Variants in NMBR observed in about 807,000 individuals in gnomAD.
The protein encoded by NMBR is neuromedin B receptor.
A neutral mutation model predicts 20.5 loss-of-function variants in NMBR; 16 were observed. The observed-to-expected ratio is 0.78, with a 90% CI of 0.53 to 1.19. NMBR has a LOEUF of 1.19. Among genes scored for constraint, NMBR ranks in the 50% most tolerant of loss-of-function variants. NMBR has a pLI of 0.00. For synonymous variants in NMBR, 212 were observed against 196.6 expected, an observed-to-expected ratio of 1.08 and a Z score of -0.65; for missense variants, 582 against 499.1, an observed-to-expected ratio of 1.17 and a Z score of -1.58.
chr6:142,077,632 A>T (rs1021116565), intron 3 of NMBR, among the ~76,000 whole-genome samples: 2 of 152,176 alleles, frequency 1.3e-5, no homozygotes, highest in African/African-American at 4.8e-5. Flanking sequence ...GTTACCTTCC[A>T]TGCAAGAAAA....
chr6:142,084,536 T>C (rs903583242), intron 2 of NMBR, among the ~76,000 whole-genome samples: 1 of 152,132 alleles, frequency 6.6e-6, no homozygotes, highest in African/African-American at 2.4e-5. Flanking sequence ...TATAAATGCG[T>C]TTTGGTTAAC....
chr6:142,079,078 A>G (rs1451017866), intron 2 of NMBR, among the ~76,000 whole-genome samples, 175 bp from the exon 3 acceptor site: 56 of 100,772 alleles, frequency 5.6e-4, no homozygotes, highest in African/African-American at 2.2e-3. Context: ...GAAAGAGAGA[A>G]AGAAAGAAAG....
Position 142,088,364 on chromosome 6 carries a change from C to G in NMBR, c.295G>C (p.Val99Leu). The G allele has an allele frequency of 6.2e-7, 1 of 1,614,132 alleles. No homozygotes were observed. The highest frequency in any genetic ancestry group is 8.5e-7 in the Non-Finnish European group (1 of 1,180,018). The change falls in exon 2 of 4, where the codon GTG becomes CTG. Residue 99 changes from valine to leucine, a missense_variant. Coordinates refer to ENST00000258042, the MANE Select transcript of NMBR (RefSeq NM_002511.4). Reference protein sequence around the residue: ...DLLLLLTCVPVDASRYFFDEW... With the variant: ...DLLLLLTCVPLDASRYFFDEW... ...TCGAAGAAGTAGCGCGAGGCGTCCA[C>G]CGGGACGCAGGTGAGCAGCAGCAGC...
chr6:142,078,220 T>C (rs1582833274), intron 3 of NMBR, among the ~76,000 whole-genome samples: 1 of 152,220 alleles, frequency 6.6e-6, no homozygotes, highest in Non-Finnish European at 1.5e-5. Flanking sequence ...ATCAAATTAA[T>C]GTATGCTCAT....
At chr6:142,107,272 C>A (rs1195018275) in intron 1 of NMBR, among the ~76,000 whole-genome samples, 1 of 152,016 alleles carries the variant, frequency 6.6e-6, no homozygotes, top group East Asian at 1.9e-4. Flanking sequence ...AAAGAAAGGC[C>A]TCAAAAACCA....
In NMBR at chr6:142,102,660, G is replaced by A. The variant is rs1777586273; in HGVS notation, c.-663-13339C>T. The stretch of plus-strand genomic sequence containing the variant: ...ACCTGTGATGTAGGTTAAGAGGAGT[G>A]GAACCTATAATGTAGGTTAAGAGGA... On this transcript the variant is annotated intron_variant, in intron 1 of 3. Coordinates refer to ENST00000258042, the MANE Select transcript of NMBR (RefSeq NM_002511.4). 2.0e-5 allele frequency among the ~76,000 whole-genome samples: 3 copies of A among 152,244 alleles called. No individual in the cohort carries two copies. In the South Asian group the frequency reaches 6.2e-4, roughly 32 times the overall value.
chr6:142,098,113 A>AAG (rs1413705257), intron 1 of NMBR, among the ~76,000 whole-genome samples: 1 of 152,124 alleles, frequency 6.6e-6, no homozygotes, highest in Non-Finnish European at 1.5e-5. Context: ...AAAAGAACAG[A>AAG]AGAAAAAATA....
intron 1 of NMBR, chr6:142,134,656 C>T (rs1346540207): frequency 1.7e-5 from 12 of 695,608 alleles, no homozygotes; most frequent in Non-Finnish European, 3.1e-5. Flanking sequence ...AATTTATATA[C>T]TCTCTGTTTT....
intron 1 of NMBR, among the ~76,000 whole-genome samples, chr6:142,130,714 G>C (rs1284319328): frequency 3.3e-5 from 5 of 152,056 alleles, no homozygotes; most frequent in Non-Finnish European, 5.9e-5. Context: ...CTTTTTTCTA[G>C]CAAGAAGCAG....
chr6:142,075,603 A>G lies in NMBR; in HGVS notation c.*45T>C, dbSNP rs1582831409. 6 of 1,519,158 alleles carry G rather than the reference A, an allele frequency of 3.9e-6. No individual in the cohort carries two copies. Among genetic ancestry groups the G allele is most frequent in the Non-Finnish European group, 5.3e-6 (6 of 1,129,560 alleles). 94.1% of individuals were successfully genotyped at this position (1,519,158 alleles called of 1,614,324 possible). The stretch of plus-strand genomic sequence containing the variant: ...TTCTGATCTGCCGAATAGGAATTTT[A>G]ACAGTTACTAAGTTCTCTCCAGGTA... On this transcript the variant is annotated 3_prime_UTR_variant, in exon 4 of 4. Coordinates refer to ENST00000258042, the MANE Select transcript of NMBR (RefSeq NM_002511.4).
rs34522158 is a variant in NMBR at position 142,145,020 on chromosome 6, T to TAAA, written c.-664+2021_-664+2023dup. Among the ~76,000 whole-genome samples the TAAA allele has an allele frequency of 3.9e-4, 38 of 97,538 alleles. 1 individual carries two copies. The highest frequency in any genetic ancestry group is 1.4e-3 in the African/African-American group (33 of 23,862). 64.0% of individuals were successfully genotyped at this position (97,538 alleles called of 152,430 possible). A position where few individuals can be genotyped will look rare whatever the true frequency, so the allele number is the denominator to read the frequency against. ...TTAGGTGACAGAGTGAGAACCTGTC[T>TAAA]AAAAAAAAAAAAAAAAAAAGAAAGA... On this transcript the variant is annotated intron_variant, in intron 1 of 3. Coordinates refer to ENST00000258042, the MANE Select transcript of NMBR (RefSeq NM_002511.4).
rs564736506 is a variant in NMBR at position 142,127,859 on chromosome 6, T to G, written c.-664+19185A>C. On this transcript the variant is annotated intron_variant, in intron 1 of 3. Transcript: ENST00000258042. ...TTTTGTGTCCTGCAACTTTACTGAATTCATTTGTTAGTTCTAACAGGATTT... is the reference window on the plus strand; with the variant it reads ...TTTTGTGTCCTGCAACTTTACTGAAGTCATTTGTTAGTTCTAACAGGATTT... Among the ~76,000 whole-genome samples, 47 of 152,226 alleles carry G rather than the reference T, an allele frequency of 3.1e-4. 1 individual carries two copies. The highest frequency in any genetic ancestry group is 1.7e-4 in the African/African-American group (7 of 41,568).
At chr6:142,095,063 G>C (rs1777417874) in intron 1 of NMBR, among the ~76,000 whole-genome samples, 1 of 152,104 alleles carries the variant, frequency 6.6e-6, no homozygotes. Flanking sequence ...CTGAGACAAT[G>C]GGGTTTTCTA....
At chr6:142,145,614 T>C (rs964480715) in intron 1 of NMBR, among the ~76,000 whole-genome samples, 5 of 150,582 alleles carry the variant, frequency 3.3e-5, no homozygotes, top group African/African-American at 1.2e-4. Flanking sequence ...TTATTATTAC[T>C]TTAAGTTGTG....
intron 1 of NMBR, among the ~76,000 whole-genome samples, chr6:142,141,680 A>G (rs991356874): frequency 2.0e-5 from 3 of 151,890 alleles, no homozygotes; most frequent in African/African-American, 7.3e-5. Flanking sequence ...AATTTTTTGT[A>G]TTTTTAGTAG....
At chr6:142,121,164 T>C (rs1004559510) in intron 1 of NMBR, among the ~76,000 whole-genome samples, 2 of 151,978 alleles carry the variant, frequency 1.3e-5, no homozygotes, top group African/African-American at 4.8e-5. Flanking sequence ...CTATACAAAA[T>C]GGTGACTTTC....
chr6:142,085,793 A>G (rs889190744), intron 2 of NMBR, among the ~76,000 whole-genome samples: 3 of 152,126 alleles, frequency 2.0e-5, no homozygotes, highest in African/African-American at 7.2e-5. Context: ...TTAGGCAAAG[A>G]TCTTGTTAGG....
chr6:142,099,042 G>A (rs1777511030), intron 1 of NMBR, among the ~76,000 whole-genome samples: 1 of 152,040 alleles, frequency 6.6e-6, no homozygotes, highest in African/African-American at 2.4e-5. Flanking sequence ...GGAACCAAAG[G>A]GTAAACATTG....
intron 2 of NMBR, among the ~76,000 whole-genome samples, chr6:142,079,629 A>G (rs1325455571): frequency 1.3e-5 from 2 of 152,202 alleles, no homozygotes; most frequent in Admixed American, 6.5e-5. Context: ...GACATTAATG[A>G]ATTTTAGAAA....
Sources: allele counts gnomAD v4.1 joint callset (sites outside exome capture counted in the v4.1 genomes callset), GRCh38; gene constraint gnomAD v4.1.1; transcripts MANE v1.5; gene names NCBI Gene and HGNC (gene_info 2026-07-23, HGNC 2026-07-21).